The following FOXP1 variants were observed in gnomAD, a reference collection of about 807,000 sequenced individuals.
FOXP1 encodes forkhead box protein P1.
A neutral mutation model predicts 98.2 loss-of-function variants in FOXP1; 15 were observed. That is an observed-to-expected ratio of 0.15 (90% CI 0.10 to 0.24). The LOEUF is 0.24. Among genes scored for constraint, FOXP1 ranks in the 10% least tolerant of loss-of-function variants. The pLI, the probability that FOXP1 is intolerant of heterozygous loss-of-function variation, is 1.00. For missense variants in FOXP1, 633 were observed against 848.5 expected (o/e 0.75, Z 3.15); for synonymous variants, 371 against 314.5 (o/e 1.18, Z -1.90).
At chr3:71,009,159 G>GGGGT (rs1553689990) in intron 12 of FOXP1, among the ~76,000 whole-genome samples, 1 of 78,796 alleles carries the variant, frequency 1.3e-5, no homozygotes, top group African/African-American at 5.1e-5. Context: ...TGGGGGCGGG[G>GGGGT]GGGGGGGGGC....
chr3:71,471,302 T>C (rs143721183), intron 3 of FOXP1, among the ~76,000 whole-genome samples: 1 of 151,570 alleles, frequency 6.6e-6, no homozygotes, highest in East Asian at 1.9e-4. Context: ...TTATATGTTA[T>C]AGTAAACATA....
At chr3:71,311,313 T>C (rs1268544032) in intron 4 of FOXP1, among the ~76,000 whole-genome samples, 1 of 152,198 alleles carries the variant, frequency 6.6e-6, no homozygotes, top group East Asian at 1.9e-4. Flanking sequence ...TGGTGTCGAA[T>C]TCCTGGGTTC....
chr3:71,217,631 G>A (rs1451482354), intron 5 of FOXP1, among the ~76,000 whole-genome samples: 1 of 152,028 alleles, frequency 6.6e-6, no homozygotes, highest in Non-Finnish European at 1.5e-5. Flanking sequence ...GCTGGGGCAG[G>A]CAAGCAAATA....
intron 4 of FOXP1, among the ~76,000 whole-genome samples, chr3:71,346,969 G>A (rs1359422962): frequency 6.6e-6 from 1 of 152,036 alleles, no homozygotes; most frequent in African/African-American, 2.4e-5. Flanking sequence ...GGACATGGAG[G>A]TTGCAGTTAG....
intron 4 of FOXP1, among the ~76,000 whole-genome samples, chr3:71,315,180 T>C (rs1163527097): frequency 2.0e-5 from 3 of 152,084 alleles, no homozygotes; most frequent in African/African-American, 7.2e-5. Context: ...GAACCAGCCT[T>C]TTATTTAATT....
intron 6 of FOXP1, among the ~76,000 whole-genome samples, chr3:71,135,309 T>C (rs1487530419): frequency 6.6e-6 from 1 of 150,470 alleles, no homozygotes; most frequent in Non-Finnish European, 1.5e-5. Flanking sequence ...AGAAATGTCC[T>C]TCCCTCTGAA....
intron 7 of FOXP1, among the ~76,000 whole-genome samples, chr3:71,055,808 A>C (rs2050552462): frequency 6.6e-6 from 1 of 152,214 alleles, no homozygotes; most frequent in Non-Finnish European, 1.5e-5. Flanking sequence ...AAACAAAAGA[A>C]CCATGTTTAA....
intron 12 of FOXP1, among the ~76,000 whole-genome samples, chr3:71,008,097 G>A (rs2043034388): frequency 6.6e-6 from 1 of 152,114 alleles, no homozygotes; most frequent in Non-Finnish European, 1.5e-5. Flanking sequence ...TATACAAGTG[G>A]TCACTTAAAA....
At chr3:71,473,725 C>T (rs2089567917) in intron 3 of FOXP1, among the ~76,000 whole-genome samples, 1 of 151,898 alleles carries the variant, frequency 6.6e-6, no homozygotes, top group Admixed American at 6.6e-5. Context: ...TGGTGATCCT[C>T]AATTGGGAGT....
At chr3:71,426,011 G>T (rs2084122504) in intron 3 of FOXP1, among the ~76,000 whole-genome samples, 1 of 152,134 alleles carries the variant, frequency 6.6e-6, no homozygotes, top group Non-Finnish European at 1.5e-5. Context: ...CCAGGTCTCT[G>T]CCCAGGACTG....
chr3:71,105,341 C>A (rs1178198950), intron 7 of FOXP1, among the ~76,000 whole-genome samples: 1 of 151,952 alleles, frequency 6.6e-6, no homozygotes, highest in Non-Finnish European at 1.5e-5. Flanking sequence ...GGCTGCAATC[C>A]AATTTGAAGT....
At chr3:71,480,503 G>A (rs928319694) in intron 3 of FOXP1, among the ~76,000 whole-genome samples, 28 of 152,206 alleles carry the variant, frequency 1.8e-4, no homozygotes, top group African/African-American at 6.8e-4. Context: ...GTTCCCAAAT[G>A]ATGGAGATAG....
At chr3:71,171,797 C>T (rs1379295814) in intron 6 of FOXP1, among the ~76,000 whole-genome samples, 1 of 152,178 alleles carries the variant, frequency 6.6e-6, no homozygotes, top group African/African-American at 2.4e-5. Flanking sequence ...CTGGGCCAGG[C>T]CTCTGCATTC....
chr3:71,558,529 T>C (rs553221853), intron 2 of FOXP1, among the ~76,000 whole-genome samples: 26 of 151,510 alleles, frequency 1.7e-4, no homozygotes, highest in Admixed American at 2.0e-4. Flanking sequence ...GGAGTCTCAC[T>C]CTGTCGCCAT....
chr3:71,510,870 T>C (rs964017353), intron 2 of FOXP1, among the ~76,000 whole-genome samples: 1 of 152,246 alleles, frequency 6.6e-6, no homozygotes, highest in Admixed American at 6.5e-5. Context: ...AAAACAATTT[T>C]TTTAAAACTG....
chr3:71,429,864 G>C (rs970641777), intron 3 of FOXP1, among the ~76,000 whole-genome samples: 1 of 152,172 alleles, frequency 6.6e-6, no homozygotes, highest in African/African-American at 2.4e-5. Flanking sequence ...AAAATGATGT[G>C]TGGTTTATTC....
chr3:71,345,375 G>A (rs1217879567), intron 4 of FOXP1, among the ~76,000 whole-genome samples: 1 of 150,520 alleles, frequency 6.6e-6, no homozygotes, highest in Admixed American at 6.7e-5. Context: ...GTGACAGAGA[G>A]AGAATCTGTC....
chr3:71,492,462 A>T (rs2091132797), intron 3 of FOXP1, among the ~76,000 whole-genome samples: 1 of 151,862 alleles, frequency 6.6e-6, no homozygotes. Context: ...AAAAAAAAAA[A>T]AGAAAAAAAA....
At chr3:71,391,951 C>T (rs1031339901) in intron 3 of FOXP1, among the ~76,000 whole-genome samples, 1 of 152,160 alleles carries the variant, frequency 6.6e-6, no homozygotes, top group East Asian at 1.9e-4. Context: ...AGACAGCTCA[C>T]GGATGCTGGA....
Sources: allele counts gnomAD v4.1 joint callset (sites outside exome capture counted in the v4.1 genomes callset), GRCh38; gene constraint gnomAD v4.1.1; transcripts MANE v1.5; gene names NCBI Gene and HGNC (gene_info 2026-07-23, HGNC 2026-07-21).